AIMP1: variants seen among roughly 807,000 people sequenced by gnomAD.
The protein encoded by AIMP1 is aminoacyl tRNA synthase complex-interacting multifunctional protein 1.
AIMP1 carries 24 observed loss-of-function variants against 33.1 expected under a neutral mutation model. That is an observed-to-expected ratio of 0.73 (90% CI 0.53 to 1.02). The LOEUF is 1.02. Among genes scored for constraint, AIMP1 ranks in the 50% least tolerant of loss-of-function variants. The pLI is 0.00. For missense variants in AIMP1, 367 were observed against 364.8 expected (o/e 1.01, Z -0.05); for synonymous variants, 120 against 121.5 (o/e 0.99, Z 0.08).
At chr4:106,327,974 T>A in intron 3 of AIMP1, 102 bp from the exon 4 acceptor site, 1 of 1,517,374 alleles carries the variant, frequency 6.6e-7, no homozygotes, top group Non-Finnish European at 8.9e-7. Flanking sequence ...ATACAGTGAA[T>A]TTTTCATTTA....
chr4:106,317,684 A>G (rs1489284256), intron 1 of AIMP1, among the ~76,000 whole-genome samples: 3 of 152,206 alleles, frequency 2.0e-5, no homozygotes, highest in African/African-American at 7.2e-5. Flanking sequence ...CACTTGAAAA[A>G]TGAATTCCAG....
Position 106,331,756 on chromosome 4 carries a change from T to C in AIMP1, c.476T>C (p.Ile159Thr), listed in dbSNP as rs1209297698. 6.2e-7 allele frequency: 1 copy of C among 1,613,976 alleles called. No individual in the cohort carries two copies. Among genetic ancestry groups the C allele is most frequent in the African/African-American group, 1.3e-5 (1 of 74,908 alleles). Residue 159 changes from isoleucine (I) to threonine (T), a missense_variant, in exon 5 of 7, where the codon ATT becomes ACT. Coordinates refer to ENST00000672341, the MANE Select transcript of AIMP1 (RefSeq NM_001142416.2). ...GATGTTTCCCGTCTGGATCTTCGAA[T>C]TGGTTGCATCATAACTGCTAGAAAA... ...PIDVSRLDLR[I>T]GCIITARKHP...
chr4:106,329,338 T>C (rs1038195134), intron 4 of AIMP1, among the ~76,000 whole-genome samples: 1 of 152,224 alleles, frequency 6.6e-6, no homozygotes, highest in Admixed American at 6.5e-5. Context: ...TTCTATTCTC[T>C]AAGGAGGGTG....
rs749719063 is a variant in AIMP1 at position 106,324,956 on chromosome 4, G to T, written c.-25-29G>T. The stretch of plus-strand genomic sequence containing the variant: ...AGTATAAATTTATTCCTTTCACAGT[G>T]TAATTTATCACTTTTATTTTTCCTA... On this transcript the variant is annotated intron_variant, in intron 1 of 6. Coordinates refer to ENST00000672341, the MANE Select transcript of AIMP1 (RefSeq NM_001142416.2). 20 of 1,560,348 alleles carry T rather than the reference G, an allele frequency of 1.3e-5. No individual in the cohort carries two copies. In the South Asian group the frequency reaches 2.5e-4, roughly 19 times the overall value.
At chr4:106,345,547 C>T (rs775427970) in intron 6 of AIMP1, among the ~76,000 whole-genome samples, 104 of 151,938 alleles carry the variant, frequency 6.8e-4, no homozygotes, top group Admixed American at 1.6e-3. Flanking sequence ...TCTCTATTGT[C>T]GAATCAAACG....
intron 1 of AIMP1, among the ~76,000 whole-genome samples, chr4:106,318,381 T>C (rs1052130635): frequency 1.3e-5 from 2 of 152,186 alleles, no homozygotes; most frequent in African/African-American, 4.8e-5. Flanking sequence ...CTTTACACTA[T>C]AATAAGGACG....
At chr4:106,339,780 A>G (rs2125927384) in intron 6 of AIMP1, among the ~76,000 whole-genome samples, 3 of 152,260 alleles carry the variant, frequency 2.0e-5, no homozygotes, top group Middle Eastern at 3.4e-3. Flanking sequence ...AAAGACAGAG[A>G]TGAAAAGTTT....
intron 5 of AIMP1, among the ~76,000 whole-genome samples, chr4:106,335,286 A>G (rs1362758881): frequency 1.3e-5 from 2 of 152,204 alleles, no homozygotes; most frequent in African/African-American, 4.8e-5. Context: ...GCCAGCTTAA[A>G]TTGGAAAAAC....
chr4:106,346,082 A>G (rs1770285610), intron 6 of AIMP1, among the ~76,000 whole-genome samples: 1 of 151,842 alleles, frequency 6.6e-6, no homozygotes, highest in African/African-American at 2.4e-5. Context: ...GAAGTTCTAC[A>G]GCTTAAGAGA....
In AIMP1 at chr4:106,328,221, G is replaced by A. The variant is rs758018714; in HGVS notation, c.369G>A (p.Ala123=). Residue 123 remains alanine (A), a synonymous_variant, in exon 4 of 7, where the codon GCG becomes GCA. Transcript: ENST00000672341. ...GAGGAACAGGAGACGAAAAGAAAGC[G>A]AAAGAGAAAATTGAAAAGAAAGGTA... ...IKGGTGDEKK[A]KEKIEKKGEK... is the part of the protein sequence containing the mutation. 31 of 1,610,090 alleles carry A rather than the reference G, an allele frequency of 1.9e-5. No homozygotes were observed. The highest frequency in any genetic ancestry group is 5.0e-5 in the Admixed American group (3 of 59,720).
chr4:106,344,731 A>G (rs1770230799), intron 6 of AIMP1, among the ~76,000 whole-genome samples: 2 of 151,740 alleles, frequency 1.3e-5, no homozygotes, highest in African/African-American at 2.4e-5. Flanking sequence ...TGTTAATCTC[A>G]TGAACTCCAG....
At chr4:106,343,973 C>A in intron 6 of AIMP1, among the ~76,000 whole-genome samples, 1 of 152,228 alleles carries the variant, frequency 6.6e-6, no homozygotes, top group East Asian at 1.9e-4. Flanking sequence ...CTCTTGAAAA[C>A]CCATTTTAAT....
chr4:106,321,000 G>C (rs1769200500), intron 1 of AIMP1, among the ~76,000 whole-genome samples: 1 of 152,148 alleles, frequency 6.6e-6, no homozygotes, highest in Non-Finnish European at 1.5e-5. Context: ...TGCCAGCCTC[G>C]GCGTCCTGAG....
chr4:106,329,024 TA>T (rs1769561894), intron 4 of AIMP1, among the ~76,000 whole-genome samples: 1 of 151,648 alleles, frequency 6.6e-6, no homozygotes, highest in Admixed American at 6.6e-5. Flanking sequence ...TATTTCTCAT[TA>T]TACTTAAACT....
chr4:106,340,650 A>G (rs900354773), intron 6 of AIMP1, among the ~76,000 whole-genome samples: 6 of 152,192 alleles, frequency 3.9e-5, no homozygotes, highest in East Asian at 1.9e-4. Context: ...ATGGTATTCC[A>G]TAGTACATGT....
rs1769497649 is a variant in AIMP1, at chr4:106,327,499, C to T, written c.158C>T (p.Ala53Val). ...GAGAAGAAACTTCGAGTTGAAAATG[C>T]TAAACTGAAGAAAGAAATTGAAGAA... Reference protein sequence around the residue: ...REEKKLRVENAKLKKEIEELK... With the variant: ...REEKKLRVENVKLKKEIEELK... The change falls in exon 3 of 7, where the codon GCT (alanine) becomes GTT (valine). Residue 53 changes from alanine to valine, a missense_variant. By Grantham distance (64) the Ala-to-Val change is moderately conservative. Coordinates refer to ENST00000672341, the MANE Select transcript of AIMP1 (RefSeq NM_001142416.2). 1 of 1,612,844 alleles carries T rather than the reference C, an allele frequency of 6.2e-7. No homozygotes were observed. Among genetic ancestry groups the T allele is most frequent in the South Asian group, 1.1e-5 (1 of 91,032 alleles).
chr4:106,322,484 G>T (rs1369855722), intron 1 of AIMP1, among the ~76,000 whole-genome samples: 1 of 152,074 alleles, frequency 6.6e-6, no homozygotes, highest in Non-Finnish European at 1.5e-5. Flanking sequence ...AAATTTAAAT[G>T]ATAATTAATC....
In AIMP1 at chr4:106,331,784, C is replaced by G. The variant is rs1040704666; in HGVS notation, c.504C>G (p.His168Gln). The G allele has an allele frequency of 4.3e-6, 7 of 1,613,962 alleles. No homozygotes were observed. Among genetic ancestry groups the G allele is most frequent in the Non-Finnish European group, 5.1e-6 (6 of 1,179,984 alleles). ...RIGCIITARKHPDADSLYVEE... is the reference protein window; with the variant it reads ...RIGCIITARKQPDADSLYVEE... ...GTTGCATCATAACTGCTAGAAAACA[C>G]CCTGATGCAGATTCTTTGTATGTGG... is the stretch of plus-strand genomic sequence containing the variant. Residue 168 changes from histidine to glutamine, a missense_variant, in exon 5 of 7, where the codon CAC (histidine) becomes CAG (glutamine). Coordinates refer to ENST00000672341, the MANE Select transcript of AIMP1 (RefSeq NM_001142416.2).
At chr4:106,340,849 C>T (rs1283103795) in intron 6 of AIMP1, among the ~76,000 whole-genome samples, 2 of 152,156 alleles carry the variant, frequency 1.3e-5, no homozygotes, top group African/African-American at 4.8e-5. Context: ...GTTTTAAGTT[C>T]TTTGAGAAAC....
Sources: gnomAD v4.1 joint callset for allele counts (sites outside exome capture counted in the v4.1 genomes callset) on GRCh38, gnomAD v4.1.1 for gene constraint, MANE v1.5 for transcripts, NCBI Gene and HGNC (gene_info 2026-07-23, HGNC 2026-07-21) for gene names.